Variants in THSD7A observed in about 807,000 individuals in gnomAD.
The protein encoded by THSD7A is thrombospondin type-1 domain-containing protein 7A.
In THSD7A, 96 loss-of-function variants were observed where a neutral mutation model predicts 231.3. The observed-to-expected ratio is 0.41, with a 90% confidence interval of 0.35 to 0.49. The LOEUF is 0.49. Ranked by LOEUF, THSD7A falls within the 20% of genes least tolerant of loss-of-function variation. The pLI is 0.05. For synonymous variants in THSD7A, 940 were observed against 743.3 expected (o/e 1.26, Z -4.30); for missense variants, 2,290 against 2,070.2 (o/e 1.11, Z -2.06).
intron 6 of THSD7A, among the ~76,000 whole-genome samples, chr7:11,538,896 G>A (rs1482080734): frequency 6.6e-6 from 1 of 152,124 alleles, no homozygotes; most frequent in Non-Finnish European, 1.5e-5. Context: ...TCTGGACAAA[G>A]AATATTTCAG....
intron 16 of THSD7A, among the ~76,000 whole-genome samples, chr7:11,421,748 T>A (rs1202090560): frequency 2.6e-5 from 4 of 152,204 alleles, no homozygotes; most frequent in Admixed American, 6.5e-5. Context: ...AAATCTACAA[T>A]ATATTATGAA....
intron 23 of THSD7A, among the ~76,000 whole-genome samples, chr7:11,392,289 G>C (rs1163211364): frequency 6.6e-6 from 1 of 152,010 alleles, no homozygotes; most frequent in Non-Finnish European, 1.5e-5. Flanking sequence ...GGAAGTGCGA[G>C]GGGTTGGGGA....
chr7:11,533,924 G>A (rs6946819), intron 6 of THSD7A, among the ~76,000 whole-genome samples: 1 of 152,098 alleles, frequency 6.6e-6, no homozygotes, highest in Non-Finnish European at 1.5e-5. Flanking sequence ...AGAAATGGCT[G>A]AATGCTTCCT....
chr7:11,618,437 C>T (rs1266511072), intron 2 of THSD7A, among the ~76,000 whole-genome samples: 1 of 152,102 alleles, frequency 6.6e-6, no homozygotes, highest in Non-Finnish European at 1.5e-5. Context: ...GATATGAATA[C>T]ACCTTATTAA....
intron 4 of THSD7A, 51 bp from the exon 5 acceptor site, chr7:11,543,168 T>C: frequency 6.6e-7 from 1 of 1,514,066 alleles, no homozygotes; most frequent in South Asian, 1.2e-5. Flanking sequence ...GGAACATATA[T>C]GGCCAACAAT....
chr7:11,755,833 A>G (rs1782655980), intron 1 of THSD7A, among the ~76,000 whole-genome samples: 1 of 152,114 alleles, frequency 6.6e-6, no homozygotes, highest in Non-Finnish European at 1.5e-5. Flanking sequence ...ATCTAGATGT[A>G]TTCACTTAAA....
chr7:11,603,919 C>A (rs1780644379), intron 2 of THSD7A, among the ~76,000 whole-genome samples: 1 of 150,748 alleles, frequency 6.6e-6, no homozygotes, highest in Non-Finnish European at 1.5e-5. Flanking sequence ...GGGAGATATA[C>A]CTAATGCTAG....
chr7:11,474,624 A>G lies in THSD7A; in HGVS notation c.2018-56T>C, dbSNP rs1786081868. 3.6e-6 allele frequency: 5 copies of G among 1,400,202 alleles called. No homozygotes were observed. The Admixed American group carries it at 6.1e-5, about 17-fold the overall frequency. The allele number at this position is 1,400,202 out of a possible 1,614,324, so 86.7% of individuals were successfully genotyped here. A position where few individuals can be genotyped will look rare whatever the true frequency, so the allele number is the denominator to read the frequency against. ...ATACGGTGCCAACAGGAACCTTACC[A>G]TACTCTGTTCTTTGGAATTAACATG... On this transcript the variant is annotated intron_variant, in intron 7 of 27. Transcript: ENST00000423059. The surrounding 1 kb of genome is among the most constrained non-coding windows in gnomAD (Gnocchi z 4.1).
At chr7:11,507,601 G>GTTTTTTT (rs386409516) in intron 6 of THSD7A, among the ~76,000 whole-genome samples, 1 of 142,804 alleles carries the variant, frequency 7.0e-6, no homozygotes, top group Non-Finnish European at 1.5e-5. Context: ...AATAATGTGT[G>GTTTTTTT]TTTTTTTTTT....
At chr7:11,518,604 C>CAT (rs774459296) in intron 6 of THSD7A, among the ~76,000 whole-genome samples, 1 of 151,626 alleles carries the variant, frequency 6.6e-6, no homozygotes, top group African/African-American at 2.4e-5. Context: ...TAGAAACACA[C>CAT]ACACACACAC....
At chr7:11,614,594 G>T (rs1477529890) in intron 2 of THSD7A, among the ~76,000 whole-genome samples, 3 of 152,200 alleles carry the variant, frequency 2.0e-5, no homozygotes, top group African/African-American at 7.2e-5. Flanking sequence ...GGATATTCTA[G>T]CTGAAAGCTA....
chr7:11,470,064 G>C, intron 8 of THSD7A, 70 bp from the exon 9 acceptor site: 1 of 1,129,398 alleles, frequency 8.9e-7, no homozygotes, highest in Non-Finnish European at 1.3e-6. Flanking sequence ...AATTTCTCTA[G>C]AATTTTCACT....
intron 1 of THSD7A, among the ~76,000 whole-genome samples, chr7:11,759,374 C>T (rs1213378254): frequency 6.6e-6 from 1 of 151,968 alleles, no homozygotes; most frequent in Non-Finnish European, 1.5e-5. Context: ...GAATATTAAA[C>T]AGCAGATGAG....
chr7:11,544,267 G>A (rs1789281117), intron 4 of THSD7A, among the ~76,000 whole-genome samples: 1 of 152,062 alleles, frequency 6.6e-6, no homozygotes, highest in African/African-American at 2.4e-5. Context: ...ACTTGAACCT[G>A]GGAGGCAGAG....
At chr7:11,754,983 T>C (rs1782626547) in intron 1 of THSD7A, among the ~76,000 whole-genome samples, 2 of 152,114 alleles carry the variant, frequency 1.3e-5, no homozygotes, top group African/African-American at 2.4e-5. Context: ...GGCGTAAGAA[T>C]ATAATAATAG....
intron 6 of THSD7A, among the ~76,000 whole-genome samples, chr7:11,540,441 A>G (rs1789096258): frequency 1.3e-5 from 2 of 152,246 alleles, no homozygotes; most frequent in South Asian, 2.1e-4. Context: ...GATGGAAAGA[A>G]TTATGACGGT....
At chr7:11,747,182 A>C (rs1349015792) in intron 1 of THSD7A, among the ~76,000 whole-genome samples, 1 of 151,974 alleles carries the variant, frequency 6.6e-6, no homozygotes, top group Non-Finnish European at 1.5e-5. Flanking sequence ...ATTTGTAATG[A>C]GAAAGTCACA....
chr7:11,450,768 C>A (rs1000892735), intron 11 of THSD7A, among the ~76,000 whole-genome samples: 2 of 151,956 alleles, frequency 1.3e-5, no homozygotes, highest in Non-Finnish European at 2.9e-5. Flanking sequence ...ACAGGTGAAG[C>A]ATGTATATGT....
In THSD7A at chr7:11,822,359, T is replaced by G. The variant is rs1784901223; in HGVS notation, c.190+9398A>C. On this transcript the variant is annotated intron_variant, in intron 1 of 27. Transcript: ENST00000423059. ...TAAAGACCTCTAGTTCTATCCACAT[T>G]GCTGCCAAACACATAATTTTATTCT... Among the ~76,000 whole-genome samples the G allele has an allele frequency of 3.9e-5, 6 of 152,124 alleles. No individual in the cohort carries two copies. In the South Asian group the frequency reaches 1.2e-3, roughly 31 times the overall value.
Sources: allele counts gnomAD v4.1 joint callset (sites outside exome capture counted in the v4.1 genomes callset), GRCh38; gene constraint gnomAD v4.1.1; non-coding constraint Gnocchi (gnomAD v3.1); transcripts MANE v1.5; gene names NCBI Gene and HGNC (gene_info 2026-07-23, HGNC 2026-07-21).